The following SCP2 variants were observed in gnomAD, a reference collection of about 807,000 sequenced individuals.
SCP2 encodes the protein sterol carrier protein 2, also known as SCP-2/3-oxoacyl-CoA thiolase.
SCP2 carries 48 observed loss-of-function variants against 71.4 expected under a neutral mutation model. The ratio of observed to expected loss-of-function variants is 0.67; its 90% CI spans 0.53 to 0.86. The LOEUF (loss-of-function observed/expected upper bound fraction) is 0.86. Ranked by LOEUF, SCP2 falls within the 40% of genes least tolerant of loss-of-function variation. SCP2 has a pLI of 0.00. For missense variants in SCP2, 560 were observed against 655.6 expected, an observed-to-expected ratio of 0.85 and a Z score of 1.59; for synonymous variants, 220 against 218.1, an observed-to-expected ratio of 1.01 and a Z score of -0.08.
At chr1:53,041,351 G>A (rs979230286) in intron 14 of SCP2, among the ~76,000 whole-genome samples, 2 of 151,072 alleles carry the variant, frequency 1.3e-5, no homozygotes, top group African/African-American at 4.9e-5. Flanking sequence ...GCAGTGAGCC[G>A]AGATGGCACC....
chr1:53,016,835 G>A (rs766944125), intron 12 of SCP2, among the ~76,000 whole-genome samples: 1 of 152,168 alleles, frequency 6.6e-6, no homozygotes, highest in Non-Finnish European at 1.5e-5. Flanking sequence ...AAGATCATGT[G>A]ACTATATTAC....
chr1:53,000,252 CA>C (rs34392119), intron 11 of SCP2, among the ~76,000 whole-genome samples: 20,871 of 91,988 alleles, frequency 0.23, 1,879 homozygotes, highest in African/African-American at 0.36. Context: ...TAGTTTCTAC[CA>C]AAAAAAAAAA....
intron 9 of SCP2, among the ~76,000 whole-genome samples, chr1:52,978,917 A>G (rs1458458975): frequency 6.6e-6 from 1 of 152,202 alleles, no homozygotes; most frequent in African/African-American, 2.4e-5. Flanking sequence ...AATTCTGAAT[A>G]AAGATTGAGT....
At chr1:52,933,100 G>A (rs935377591) in intron 1 of SCP2, among the ~76,000 whole-genome samples, 3 of 152,168 alleles carry the variant, frequency 2.0e-5, no homozygotes, top group African/African-American at 7.2e-5. Context: ...ATGGCTGGTT[G>A]CAGAAATTGC....
intron 1 of SCP2, among the ~76,000 whole-genome samples, chr1:52,932,960 T>G (rs1423704950): frequency 2.0e-5 from 3 of 152,232 alleles, no homozygotes; most frequent in Non-Finnish European, 4.4e-5. Flanking sequence ...AGTATTAGTA[T>G]AAACTTTAAT....
At chr1:53,033,907 G>C (rs1662734150) in intron 13 of SCP2, among the ~76,000 whole-genome samples, 1 of 152,144 alleles carries the variant, frequency 6.6e-6, no homozygotes, top group Non-Finnish European at 1.5e-5. Context: ...ACAACCATCA[G>C]CTGCTGAATA....
At chr1:53,023,069 C>CT (rs1018577312) in intron 12 of SCP2, among the ~76,000 whole-genome samples, 1 of 152,118 alleles carries the variant, frequency 6.6e-6, no homozygotes, top group Non-Finnish European at 1.5e-5. Flanking sequence ...TGAATACTCT[C>CT]TGAGTTTAAG....
At chr1:52,930,155 A>C (rs145327295) in intron 1 of SCP2, among the ~76,000 whole-genome samples, 1 of 152,226 alleles carries the variant, frequency 6.6e-6, no homozygotes, top group East Asian at 1.9e-4. Context: ...CATGTAATTT[A>C]GCACTTCAGT....
In SCP2 at chr1:52,982,837, A is replaced by G. The variant is rs145957932; in HGVS notation, c.973+2294A>G. On this transcript the variant is annotated intron_variant, in intron 10 of 15. Transcript: ENST00000371514. ...TTGCTTTCAACAGTCATACACTTAG[A>G]TGTCTGTTATATGTCATGGGTAAAA... Among the ~76,000 whole-genome samples, 186 of 152,324 alleles carry G rather than the reference A, an allele frequency of 1.2e-3. 1 individual carries two copies. The highest frequency in any genetic ancestry group is 4.3e-3 in the African/African-American group (180 of 41,556).
Position 52,977,966 on chromosome 1 carries a change from CAA to C in SCP2, c.675-238_675-237del, listed in dbSNP as rs57875662. Among the ~76,000 whole-genome samples the C allele has an allele frequency of 1.1e-3, 130 of 114,876 alleles. No homozygotes were observed. In the East Asian group the frequency reaches 0.023, roughly 20 times the overall value. 75.4% of individuals were successfully genotyped at this position (114,876 alleles called of 152,430 possible). ...AGGCAACAAGAGCGAAACTCCATCT[CAA>C]AAAAAAAAAAAAGAACTTTTTGGGA... is the stretch of plus-strand genomic sequence containing the variant. On this transcript the variant is annotated intron_variant, in intron 8 of 15. Coordinates refer to ENST00000371514, the MANE Select transcript of SCP2 (RefSeq NM_002979.5).
At chr1:53,044,000 T>C (rs2150271622) in intron 14 of SCP2, among the ~76,000 whole-genome samples, 1 of 152,314 alleles carries the variant, frequency 6.6e-6, no homozygotes, top group South Asian at 2.1e-4. Flanking sequence ...AAAACCTTTT[T>C]TTCTATCTTG....
In SCP2 at chr1:52,978,120, A is replaced by G. The variant is rs1313638896; in HGVS notation, c.675-97A>G. 1.3e-5 allele frequency: 14 copies of G among 1,078,742 alleles called. No homozygotes were observed. In the East Asian group the frequency reaches 2.6e-4, roughly 20 times the overall value. 66.8% of individuals were successfully genotyped at this position (1,078,742 alleles called of 1,614,324 possible). A position where few individuals can be genotyped will look rare whatever the true frequency, so the allele number is the denominator to read the frequency against. ...GAAGACAATCCACTGACCAGCAAGC[A>G]TATTTGGCCTTTCCTTTCACATAGA... On this transcript the variant is annotated intron_variant, in intron 8 of 15. Coordinates refer to ENST00000371514, the MANE Select transcript of SCP2 (RefSeq NM_002979.5).
intron 6 of SCP2, among the ~76,000 whole-genome samples, chr1:52,969,655 C>T (rs1657279263): frequency 6.6e-6 from 1 of 152,080 alleles, no homozygotes; most frequent in African/African-American, 2.4e-5. Context: ...AACCCCATCT[C>T]TACTAAAATA....
chr1:52,960,606 G>GTATA (rs1161300988), intron 5 of SCP2, among the ~76,000 whole-genome samples: 1 of 136,322 alleles, frequency 7.3e-6, no homozygotes, highest in African/African-American at 2.7e-5. Flanking sequence ...ATATATGTAT[G>GTATA]TATATATGTA....
chr1:52,938,049 T>C (rs11206044), intron 1 of SCP2, among the ~76,000 whole-genome samples: 5,291 of 152,278 alleles, frequency 0.035, 320 homozygotes, highest in African/African-American at 0.12. Context: ...TGTCATGCTG[T>C]TGGTGGCTGT....
intron 11 of SCP2, among the ~76,000 whole-genome samples, chr1:53,014,339 C>A (rs1352853423): frequency 1.3e-5 from 2 of 152,152 alleles, no homozygotes; most frequent in Admixed American, 6.5e-5. Flanking sequence ...ACAGATTAAC[C>A]TTTCTGTTTC....
intron 11 of SCP2, among the ~76,000 whole-genome samples, chr1:53,010,842 C>G (rs1007317805): frequency 2.0e-5 from 3 of 152,014 alleles, no homozygotes; most frequent in African/African-American, 4.8e-5. Flanking sequence ...AGATTCACCC[C>G]CTGCCCACAA....
At chr1:53,009,309 G>A (rs540503744) in intron 11 of SCP2, among the ~76,000 whole-genome samples, 31 of 152,192 alleles carry the variant, frequency 2.0e-4, no homozygotes, top group South Asian at 1.5e-3. Flanking sequence ...AAAAGAGGCC[G>A]CATTGCCAAG....
At chr1:52,927,560 C>T (rs1572027236) in intron 1 of SCP2, 95 bp downstream of exon 1, 9 of 929,732 alleles carry the variant, frequency 9.7e-6, no homozygotes, top group East Asian at 7.9e-5. Flanking sequence ...TTCGACTGCT[C>T]CGCGCGTGGG....
Sources: allele counts gnomAD v4.1 joint callset (sites outside exome capture counted in the v4.1 genomes callset), GRCh38; gene constraint gnomAD v4.1.1; transcripts MANE v1.5; gene names NCBI Gene and HGNC (gene_info 2026-07-23, HGNC 2026-07-21).